The following GNAQ variants were observed in gnomAD, a reference collection of about 807,000 sequenced individuals.
GNAQ encodes G protein subunit alpha q.
A neutral mutation model predicts 43.9 loss-of-function variants in GNAQ; 8 were observed. The observed-to-expected ratio is 0.18, with a 90% CI of 0.11 to 0.33. GNAQ has a LOEUF of 0.33. GNAQ is among the 10% of genes least tolerant of loss of function. The probability of loss-of-function intolerance (pLI) is 1.00; values close to 1 mark genes in which losing one functional copy is unlikely to be tolerated. For synonymous variants in GNAQ, 155 were observed against 170.7 expected (o/e 0.91, Z 0.71); for missense variants, 158 against 450.8 (o/e 0.35, Z 5.88).
intron 5 of GNAQ, among the ~76,000 whole-genome samples, chr9:77,771,373 A>C (rs1826219201): frequency 6.6e-6 from 1 of 152,218 alleles, no homozygotes; most frequent in Admixed American, 6.5e-5. Context: ...GCTGCTAATT[A>C]GAGTATATAT....
chr9:77,753,012 G>A lies in GNAQ; in HGVS notation c.736-24345C>T, dbSNP rs139286560. Reference sequence around the variant, plus strand: ...TGAGGCAGGAGAATGGCGTGAACCCGGGAGGCGGAGCTTGCAGTGAGCCGA... The same window carrying A: ...TGAGGCAGGAGAATGGCGTGAACCCAGGAGGCGGAGCTTGCAGTGAGCCGA... On this transcript the variant is annotated intron_variant, in intron 5 of 6. Coordinates refer to ENST00000286548, the MANE Select transcript of GNAQ (RefSeq NM_002072.5). Among the ~76,000 whole-genome samples the A allele has an allele frequency of 8.3e-3, 1,251 of 150,544 alleles. 27 individuals carry two copies. The highest frequency in any genetic ancestry group is 0.029 in the African/African-American group (1,171 of 40,806).
chr9:77,962,817 G>A (rs1266616596), intron 1 of GNAQ, among the ~76,000 whole-genome samples: 2 of 150,834 alleles, frequency 1.3e-5, no homozygotes, highest in Non-Finnish European at 3.0e-5. Context: ...GCTTGAACCC[G>A]GGAGGCAGAG....
At chr9:77,994,904 G>C (rs924942666) in intron 1 of GNAQ, among the ~76,000 whole-genome samples, 1 of 152,080 alleles carries the variant, frequency 6.6e-6, no homozygotes, top group Non-Finnish European at 1.5e-5. Flanking sequence ...CCACTTTCTA[G>C]GTAGATATTC....
intron 5 of GNAQ, among the ~76,000 whole-genome samples, chr9:77,766,863 C>T (rs1826144357): frequency 6.6e-6 from 1 of 152,108 alleles, no homozygotes; most frequent in Non-Finnish European, 1.5e-5. Context: ...TATGTGGGAC[C>T]TCTCTGGGGG....
At chr9:77,754,553 G>A (rs940813653) in intron 5 of GNAQ, among the ~76,000 whole-genome samples, 2 of 152,232 alleles carry the variant, frequency 1.3e-5, no homozygotes, top group South Asian at 4.2e-4. Flanking sequence ...TCTTCCTTAG[G>A]TGTATTAACA....
At chr9:77,815,365 TAG>T (rs1221941177) in intron 3 of GNAQ, among the ~76,000 whole-genome samples, 2 of 152,166 alleles carry the variant, frequency 1.3e-5, no homozygotes, top group African/African-American at 2.4e-5. Flanking sequence ...ATCAGATTCC[TAG>T]AGTCTTCAGT....
Position 78,031,312 on chromosome 9 carries a change from TCCCCCGAGGCAGCGGTGGCCGCCGAG to T in GNAQ, c.-103_-78del, listed in dbSNP as rs1293644427. On this transcript the variant is annotated 5_prime_UTR_variant, in exon 1 of 7. Coordinates refer to ENST00000286548, the MANE Select transcript of GNAQ (RefSeq NM_002072.5). Reference sequence around the variant, plus strand: ...CGCACACACACCCTCCCGCCCTCGCTCCCCCGAGGCAGCGGTGGCCGCCGAGCCCCCGCCGCCCGGGCGCGCGTCCG... The same window carrying T: ...CGCACACACACCCTCCCGCCCTCGCTCCCCCGCCGCCCGGGCGCGCGTCCG... 8.6e-7 allele frequency: 1 copy of T among 1,163,606 alleles called. No individual in the cohort carries two copies. The highest frequency in any genetic ancestry group is 1.6e-5 in the African/African-American group (1 of 61,264). 72.1% of individuals were successfully genotyped at this position (1,163,606 alleles called of 1,614,324 possible).
At chr9:77,885,527 G>C (rs1828287806) in intron 2 of GNAQ, among the ~76,000 whole-genome samples, 1 of 152,108 alleles carries the variant, frequency 6.6e-6, no homozygotes, top group African/African-American at 2.4e-5. Flanking sequence ...GTTCAGAAAG[G>C]GAGAAAAGTA....
chr9:77,989,558 G>A (rs1423166277), intron 1 of GNAQ, among the ~76,000 whole-genome samples: 1 of 152,240 alleles, frequency 6.6e-6, no homozygotes, highest in Non-Finnish European at 1.5e-5. Flanking sequence ...CTGCAAGAGA[G>A]AGACCTTTTT....
chr9:77,911,174 G>A (rs1022305030), intron 2 of GNAQ, among the ~76,000 whole-genome samples: 1 of 152,180 alleles, frequency 6.6e-6, no homozygotes, highest in Non-Finnish European at 1.5e-5. Flanking sequence ...GCTGAGCTAG[G>A]TTACTTTGAG....
chr9:77,896,801 A>G (rs1828511219), intron 2 of GNAQ, among the ~76,000 whole-genome samples: 2 of 152,174 alleles, frequency 1.3e-5, no homozygotes, highest in African/African-American at 4.8e-5. Context: ...ATTTTCATTC[A>G]TTTCATGACC....
chr9:77,936,036 T>G (rs939845478), intron 1 of GNAQ, among the ~76,000 whole-genome samples: 9 of 152,290 alleles, frequency 5.9e-5, no homozygotes, highest in African/African-American at 2.2e-4. Context: ...GAAAGGACAC[T>G]CTTACAACCA....
At chr9:77,923,561 T>A (rs1829028019) in intron 1 of GNAQ, among the ~76,000 whole-genome samples, 1 of 152,198 alleles carries the variant, frequency 6.6e-6, no homozygotes, top group Non-Finnish European at 1.5e-5. Flanking sequence ...GTTATTTTCA[T>A]GTGTCCTTTC....
At chr9:77,750,348 C>T (rs1825794328) in intron 5 of GNAQ, among the ~76,000 whole-genome samples, 1 of 152,126 alleles carries the variant, frequency 6.6e-6, no homozygotes, top group Non-Finnish European at 1.5e-5. Context: ...TCTGCCTCTT[C>T]CATGCAGTTT....
intron 2 of GNAQ, among the ~76,000 whole-genome samples, chr9:77,852,024 A>G (rs1012769165): frequency 2.0e-5 from 3 of 152,210 alleles, no homozygotes; most frequent in African/African-American, 7.2e-5. Flanking sequence ...GGAAAACAAG[A>G]TTCTGCTGAA....
intron 1 of GNAQ, among the ~76,000 whole-genome samples, chr9:77,981,694 T>A (rs775088390): frequency 3.9e-5 from 6 of 152,204 alleles, no homozygotes; most frequent in Non-Finnish European, 5.9e-5. Context: ...TCAAATTTCA[T>A]GATTATTTCT....
At chr9:77,841,084 TAAA>T (rs138104311) in intron 2 of GNAQ, among the ~76,000 whole-genome samples, 2 of 151,802 alleles carry the variant, frequency 1.3e-5, no homozygotes, top group African/African-American at 4.9e-5. Context: ...GTATTCATGT[TAAA>T]AAAACAAACA....
intron 1 of GNAQ, among the ~76,000 whole-genome samples, chr9:77,952,559 A>G (rs1257252014): frequency 1.3e-5 from 2 of 152,350 alleles, no homozygotes; most frequent in East Asian, 3.9e-4. Flanking sequence ...TGATTGCCTT[A>G]GAACAGTTAA....
At chr9:77,928,999 G>C (rs905954718) in intron 1 of GNAQ, among the ~76,000 whole-genome samples, 6 of 152,174 alleles carry the variant, frequency 3.9e-5, no homozygotes, top group African/African-American at 1.4e-4. Flanking sequence ...TCCTGGGCAA[G>C]AGTGAGACTC....
Sources: allele counts gnomAD v4.1 joint callset (sites outside exome capture counted in the v4.1 genomes callset), GRCh38; gene constraint gnomAD v4.1.1; transcripts MANE v1.5; gene names NCBI Gene and HGNC (gene_info 2026-07-23, HGNC 2026-07-21).